Variants in SLC45A2 observed in about 807,000 individuals in gnomAD.
The protein encoded by SLC45A2 is membrane-associated transporter protein.
Under a neutral mutation model 45.5 loss-of-function variants are expected in SLC45A2, and 36 were observed. The observed-to-expected ratio is 0.79, with a 90% CI of 0.61 to 1.04. The LOEUF (loss-of-function observed/expected upper bound fraction) is 1.04, where lower values mean the gene tolerates loss of function less well. SLC45A2 is among the 50% of genes least tolerant of loss of function. The pLI, the probability that SLC45A2 is intolerant of heterozygous loss-of-function variation, is 0.00. For missense variants in SLC45A2, 719 were observed against 671.0 expected (o/e 1.07, Z -0.79); for synonymous variants, 306 against 269.3 (o/e 1.14, Z -1.33).
chr5:33,946,467 G>C (rs1392558698), intron 6 of SLC45A2: 1 of 985,552 alleles, frequency 1.0e-6, no homozygotes, highest in Admixed American at 6.1e-5. Flanking sequence ...TATTTTCACA[G>C]GAAGAAAGTT....
chr5:33,951,551 T>TA lies in SLC45A2; in HGVS notation c.1156+2dup. ...GACATCCTTAGGAGAGAGAAAGACT[T>TA]ACAAGAATAAAGTGAGGAAAACACG... On this transcript the variant is annotated splice_region_variant and intron_variant, in intron 5 of 6. Transcript: ENST00000296589. The TA allele has an allele frequency of 6.2e-7, 1 of 1,614,094 alleles. No homozygotes were observed. Among genetic ancestry groups the TA allele is most frequent in the Non-Finnish European group, 8.5e-7 (1 of 1,180,006 alleles).
chr5:33,946,971 A>T, intron 6 of SLC45A2, 192 bp downstream of exon 6: 1 of 1,522,280 alleles, frequency 6.6e-7, no homozygotes, highest in Non-Finnish European at 8.8e-7. Context: ...TAAGGAGGAC[A>T]GGACAGCTGG....
chr5:33,981,530 T>C (rs1446860222), intron 2 of SLC45A2, among the ~76,000 whole-genome samples: 1 of 152,210 alleles, frequency 6.6e-6, no homozygotes, highest in Non-Finnish European at 1.5e-5. Flanking sequence ...GCCTTATATT[T>C]CAATGCCTAG....
chr5:33,973,799 G>A (rs895746797), intron 2 of SLC45A2, among the ~76,000 whole-genome samples: 27 of 142,164 alleles, frequency 1.9e-4, no homozygotes, highest in Admixed American at 4.9e-4. Flanking sequence ...AACATTTGGC[G>A]TTTCATCTCT....
intron 6 of SLC45A2, among the ~76,000 whole-genome samples, chr5:33,945,542 G>GT (rs35895021): frequency 0.014 from 2,108 of 149,100 alleles, 55 homozygotes; most frequent in African/African-American, 0.049. Flanking sequence ...CTGGGCCTGG[G>GT]TTTTTTTTTT....
intron 5 of SLC45A2, among the ~76,000 whole-genome samples, chr5:33,951,244 G>A (rs1308290311): frequency 2.0e-5 from 3 of 152,130 alleles, no homozygotes; most frequent in Admixed American, 6.6e-5. Context: ...AGTAGAACAC[G>A]AACCTGCTGG....
At chr5:33,971,651 G>A (rs967598664) in intron 2 of SLC45A2, among the ~76,000 whole-genome samples, 1 of 151,938 alleles carries the variant, frequency 6.6e-6, no homozygotes, top group Non-Finnish European at 1.5e-5. Context: ...ATTTTGAGAC[G>A]GAGTCTCATC....
intron 6 of SLC45A2, chr5:33,946,128 G>A: frequency 6.1e-6 from 6 of 985,330 alleles, no homozygotes; most frequent in Non-Finnish European, 7.2e-6. Context: ...GTTTCTCTGA[G>A]CCTGAAGCGT....
At position 33,963,640 on chromosome 5, in the gene SLC45A2, AC is replaced by A. The variant is rs775698829; in HGVS notation, c.888+50del. On this transcript the variant is annotated intron_variant, in intron 3 of 6. Coordinates refer to ENST00000296589, the MANE Select transcript of SLC45A2 (RefSeq NM_016180.5). ...AACAATTAAAAAAACAACAACAACA[AC>A]AAAGAGCAAGAATATTTTCCCTTGT... The A allele has an allele frequency of 7.5e-3, 11,932 of 1,590,694 alleles. 80 individuals carry two copies. The highest frequency in any genetic ancestry group is 0.012 in the Middle Eastern group (66 of 5,632).
Position 33,979,439 on chromosome 5 carries a change from G to A in SLC45A2, c.562+2797C>T, listed in dbSNP as rs142987988. The stretch of plus-strand genomic sequence containing the variant: ...GCTTCAGAGAGAATAGACTGTAAAC[G>A]TTTCCTATCAGACTTAAAAAGGTGC... On this transcript the variant is annotated intron_variant, in intron 2 of 6. Coordinates refer to ENST00000296589, the MANE Select transcript of SLC45A2 (RefSeq NM_016180.5). Among the ~76,000 whole-genome samples, 431 of 152,216 alleles carry A rather than the reference G, an allele frequency of 2.8e-3. 2 individuals carry two copies. The highest frequency in any genetic ancestry group is 1.0e-2 in the African/African-American group (415 of 41,528).
At chr5:33,945,890 A>T (rs1366696026) in intron 6 of SLC45A2, 4 of 878,462 alleles carry the variant, frequency 4.6e-6, no homozygotes, top group Non-Finnish European at 5.5e-6. Context: ...GTTTTTATTT[A>T]AAAATGCCGG....
intron 2 of SLC45A2, among the ~76,000 whole-genome samples, chr5:33,977,672 A>G (rs1252226747): frequency 6.6e-6 from 1 of 152,192 alleles, no homozygotes; most frequent in East Asian, 1.9e-4. Flanking sequence ...TTGAACACCT[A>G]CAATATGCAA....
At chr5:33,963,604 C>A in intron 3 of SLC45A2, 87 bp downstream of exon 3, 1 of 1,467,424 alleles carries the variant, frequency 6.8e-7, no homozygotes, top group South Asian at 1.1e-5. Flanking sequence ...TCTCGTCAAA[C>A]AGACAAAACA....
chr5:33,947,682 C>T (rs1751979774), intron 5 of SLC45A2, among the ~76,000 whole-genome samples: 1 of 152,154 alleles, frequency 6.6e-6, no homozygotes, highest in Admixed American at 6.5e-5. Flanking sequence ...GAAAATCTGA[C>T]CTAACTATGG....
chr5:33,969,561 A>G (rs1752721719), intron 2 of SLC45A2, among the ~76,000 whole-genome samples: 1 of 152,238 alleles, frequency 6.6e-6, no homozygotes, highest in South Asian at 2.1e-4. Flanking sequence ...CAGAGAAATA[A>G]GAATGGTTTG....
At chr5:33,983,252 C>G (rs1753134118) in intron 1 of SLC45A2, among the ~76,000 whole-genome samples, 1 of 152,230 alleles carries the variant, frequency 6.6e-6, no homozygotes, top group African/African-American at 2.4e-5. Flanking sequence ...TTTACCCAAT[C>G]TCCTATAAAA....
At chr5:33,978,399 T>C (rs775687900) in intron 2 of SLC45A2, among the ~76,000 whole-genome samples, 5 of 152,204 alleles carry the variant, frequency 3.3e-5, no homozygotes, top group Admixed American at 6.5e-5. Context: ...TTTTTTTTCC[T>C]GTAGAGAACC....
chr5:33,982,111 G>A (rs755109898), intron 2 of SLC45A2, 125 bp downstream of exon 2: 12 of 1,055,874 alleles, frequency 1.1e-5, no homozygotes, highest in Non-Finnish European at 1.6e-5. Flanking sequence ...CCCGCATGAC[G>A]GGAGCAGCCC....
rs143546871 is a variant in SLC45A2 at position 33,949,141 on chromosome 5, A to T, written c.1157-1767T>A. Reference sequence around the variant, plus strand: ...ATTGGTATACCTGTACCTGCTGTATACAAAAGGAGCTTAGAAACAAGTCCC... The same window carrying T: ...ATTGGTATACCTGTACCTGCTGTATTCAAAAGGAGCTTAGAAACAAGTCCC... On this transcript the variant is annotated intron_variant, in intron 5 of 6. Transcript: ENST00000296589. Among the ~76,000 whole-genome samples, 349 of 152,348 alleles carry T rather than the reference A, an allele frequency of 2.3e-3. 1 individual carries two copies. Among genetic ancestry groups the T allele is most frequent in the African/African-American group, 8.0e-3 (331 of 41,554 alleles).
Sources: allele counts gnomAD v4.1 joint callset (sites outside exome capture counted in the v4.1 genomes callset), GRCh38; gene constraint gnomAD v4.1.1; transcripts MANE v1.5; gene names NCBI Gene and HGNC (gene_info 2026-07-23, HGNC 2026-07-21).